Variants in CWC27 observed in about 807,000 individuals in gnomAD.
CWC27 encodes CWC27 spliceosome associated cyclophilin.
In CWC27, 47 loss-of-function variants were observed where a neutral mutation model predicts 63.6. The ratio of observed to expected loss-of-function variants is 0.74; its 90% CI spans 0.58 to 0.94. The LOEUF is 0.94. Ranked by LOEUF, CWC27 falls within the 40% of genes least tolerant of loss-of-function variation. The pLI is 0.00. For missense variants in CWC27, 495 were observed against 554.3 expected, an observed-to-expected ratio of 0.89 and a Z score of 1.07; for synonymous variants, 175 against 179.8, an observed-to-expected ratio of 0.97 and a Z score of 0.22.
chr5:64,839,023 T>C (rs573515181), intron 10 of CWC27, among the ~76,000 whole-genome samples: 73 of 152,338 alleles, frequency 4.8e-4, no homozygotes, highest in African/African-American at 1.8e-3. Context: ...GAAAAGAATA[T>C]CTTTCAAAAA....
intron 10 of CWC27, 137 bp downstream of exon 10, chr5:64,804,523 T>TAC: frequency 1.1e-6 from 1 of 923,902 alleles, no homozygotes; most frequent in Non-Finnish European, 1.5e-6. Flanking sequence ...TTGTACAAAT[T>TAC]GGCCCATTAG....
intron 11 of CWC27, among the ~76,000 whole-genome samples, chr5:64,963,532 C>A (rs1163674617): frequency 6.6e-6 from 1 of 152,030 alleles, no homozygotes; most frequent in Non-Finnish European, 1.5e-5. Flanking sequence ...CATAGTTGAT[C>A]ATACTGTAAA....
intron 12 of CWC27, among the ~76,000 whole-genome samples, chr5:64,972,053 T>C (rs138650505): frequency 3.3e-4 from 50 of 152,264 alleles, no homozygotes; most frequent in African/African-American, 1.1e-3. Flanking sequence ...GGTACTCCCA[T>C]AGTAAGCACA....
chr5:65,004,895 T>C (rs1472024269), intron 13 of CWC27, among the ~76,000 whole-genome samples: 11 of 60,178 alleles, frequency 1.8e-4, no homozygotes, highest in African/African-American at 6.7e-4. Flanking sequence ...TATATATATA[T>C]ATATATATAT....
chr5:64,807,890 T>A lies in CWC27; in HGVS notation c.938+3504T>A. 3 of 1,453,532 alleles carry A rather than the reference T, an allele frequency of 2.1e-6. No individual in the cohort carries two copies. In the South Asian group the frequency reaches 4.3e-5, roughly 21 times the overall value. 90.0% of individuals were successfully genotyped at this position (1,453,532 alleles called of 1,614,324 possible). ...CAAAACCATTCCATTTTATTTCCTG[T>A]CCCTACCTCCTTCCTATTTATTTCT... On this transcript the variant is annotated intron_variant, in intron 10 of 13. Transcript: ENST00000381070.
chr5:64,851,160 CAAAT>C (rs1746125324), intron 10 of CWC27, among the ~76,000 whole-genome samples: 1 of 152,140 alleles, frequency 6.6e-6, no homozygotes, highest in South Asian at 2.1e-4. Flanking sequence ...TGTCCATAAA[CAAAT>C]GAATATGTAA....
chr5:64,791,818 A>G (rs1208549790), intron 7 of CWC27, among the ~76,000 whole-genome samples: 1 of 152,092 alleles, frequency 6.6e-6, no homozygotes, highest in African/African-American at 2.4e-5. Flanking sequence ...CCTAGTGTCA[A>G]TATCTTCCAA....
chr5:64,937,861 C>T (rs1360187321), intron 11 of CWC27, among the ~76,000 whole-genome samples: 1 of 143,318 alleles, frequency 7.0e-6, no homozygotes, highest in Non-Finnish European at 1.5e-5. Context: ...CCTTCTTTGT[C>T]TTTTTTGATC....
chr5:64,856,319 TA>T (rs1324793939), intron 10 of CWC27, among the ~76,000 whole-genome samples: 2 of 151,890 alleles, frequency 1.3e-5, no homozygotes, highest in East Asian at 3.8e-4. Flanking sequence ...TTTCCCTAGT[TA>T]GGAGAAATAT....
At chr5:64,983,352 T>G (rs1749362350) in intron 13 of CWC27, among the ~76,000 whole-genome samples, 1 of 152,186 alleles carries the variant, frequency 6.6e-6, no homozygotes, top group African/African-American at 2.4e-5. Context: ...ATCTCACACT[T>G]CATGTATTCT....
intron 1 of CWC27, among the ~76,000 whole-genome samples, chr5:64,770,422 T>TA (rs2112132637): frequency 6.6e-6 from 1 of 152,338 alleles, no homozygotes; most frequent in Non-Finnish European, 1.5e-5. Context: ...TGAATAGATT[T>TA]ACCATCCTGC....
At chr5:64,772,583 C>T (rs1743300295) in intron 1 of CWC27, among the ~76,000 whole-genome samples, 1 of 123,470 alleles carries the variant, frequency 8.1e-6, no homozygotes, top group Non-Finnish European at 1.6e-5. Flanking sequence ...ACTGAGATCA[C>T]ACCACTGCAC....
chr5:64,778,719 T>A (rs1743547155), intron 2 of CWC27, among the ~76,000 whole-genome samples: 1 of 152,202 alleles, frequency 6.6e-6, no homozygotes, highest in Non-Finnish European at 1.5e-5. Context: ...ACATACAGTG[T>A]TAGTGTAACT....
intron 11 of CWC27, among the ~76,000 whole-genome samples, chr5:64,897,618 C>T (rs1432533739): frequency 6.6e-6 from 1 of 152,050 alleles, no homozygotes; most frequent in Admixed American, 6.6e-5. Context: ...GGAGGGATAG[C>T]ATTAGGAGAA....
At chr5:64,784,054 A>G in intron 4 of CWC27, 75 bp downstream of exon 4, 5 of 1,259,484 alleles carry the variant, frequency 4.0e-6, no homozygotes, top group Non-Finnish European at 5.3e-6. Context: ...TAAGATACAT[A>G]TGATTAACTT....
intron 13 of CWC27, among the ~76,000 whole-genome samples, chr5:65,002,869 A>G (rs375028103): frequency 9.8e-4 from 149 of 152,286 alleles, no homozygotes; most frequent in African/African-American, 3.5e-3. Flanking sequence ...GATCTCTCCA[A>G]TGCTAACAGT....
intron 13 of CWC27, among the ~76,000 whole-genome samples, chr5:65,005,863 A>G (rs1026030172): frequency 1.8e-4 from 27 of 152,238 alleles, no homozygotes; most frequent in Non-Finnish European, 1.8e-4. Flanking sequence ...GCATCCAAGT[A>G]ATATTTTAAA....
chr5:64,968,074 A>G (rs79348793), intron 11 of CWC27, among the ~76,000 whole-genome samples: 2,146 of 152,010 alleles, frequency 0.014, 24 homozygotes, highest in Non-Finnish European at 0.022. Context: ...TTAATAAGAC[A>G]AAAAAAATTA....
At chr5:64,940,522 C>G (rs1395004290) in intron 11 of CWC27, among the ~76,000 whole-genome samples, 3 of 152,194 alleles carry the variant, frequency 2.0e-5, no homozygotes, top group Non-Finnish European at 4.4e-5. Flanking sequence ...CTGCATTGAT[C>G]TTGCTGGGAG....
Sources: gnomAD v4.1 joint callset for allele counts (sites outside exome capture counted in the v4.1 genomes callset) on GRCh38, gnomAD v4.1.1 for gene constraint, MANE v1.5 for transcripts, NCBI Gene and HGNC (gene_info 2026-07-23, HGNC 2026-07-21) for gene names.